The following CYP4F11 variants were observed in gnomAD, a reference collection of about 807,000 sequenced individuals.
CYP4F11 encodes the protein cytochrome P450 4F11.
CYP4F11 carries 79 observed loss-of-function variants against 62.2 expected under a neutral mutation model. That is an observed-to-expected ratio of 1.27 (90% CI 1.06 to 1.53). CYP4F11 has a LOEUF of 1.53. CYP4F11 is among the 40% of genes most tolerant of loss of function. The pLI, the probability that CYP4F11 is intolerant of heterozygous loss-of-function variation, is 0.00. For synonymous variants in CYP4F11, 290 were observed against 263.7 expected (o/e 1.10, Z -0.97); for missense variants, 777 against 680.5 (o/e 1.14, Z -1.58).
In CYP4F11 at chr19:15,919,191, A is replaced by G. The variant is rs1022816210; in HGVS notation, c.1115+2846T>C. Among the ~76,000 whole-genome samples the G allele has an allele frequency of 3.4e-5, 5 of 148,176 alleles. No homozygotes were observed. In the East Asian group the frequency reaches 7.8e-4, roughly 23 times the overall value. On this transcript the variant is annotated intron_variant, in intron 8 of 11. Coordinates refer to ENST00000402119, the MANE Select transcript of CYP4F11 (RefSeq NM_021187.4). Reference sequence around the variant, plus strand: ...ATATATTTCTATGTATATGAAATATATACATTTCATTGACTCCTAATTATT... The same window carrying G: ...ATATATTTCTATGTATATGAAATATGTACATTTCATTGACTCCTAATTATT...
At chr19:15,921,442 G>T (rs1344644635) in intron 8 of CYP4F11, among the ~76,000 whole-genome samples, 1 of 152,194 alleles carries the variant, frequency 6.6e-6, no homozygotes. Flanking sequence ...TGGGCTGGGA[G>T]TTTCCTGTCC....
chr19:15,934,374 C>T lies in CYP4F11; in HGVS notation c.35G>A (p.Gly12Glu), dbSNP rs2089760650. 2 of 1,613,176 alleles carry T rather than the reference C, an allele frequency of 1.2e-6. No homozygotes were observed. Among genetic ancestry groups the T allele is most frequent in the Non-Finnish European group, 1.7e-6 (2 of 1,179,698 alleles). The stretch of plus-strand genomic sequence containing the variant: ...CAGCCACGGGGATGCTGCCACGGGC[C>T]CGAGGCCCAGCCAGGACAGGCTCAG... ...PQLSLSWLGL[G>E]PVAASPWLLL... Residue 12 changes from glycine (G) to glutamate (E), a missense_variant, in exon 1 of 12, where the codon GGG becomes GAG. Transcript: ENST00000402119.
At position 15,923,912 on chromosome 19, in the gene CYP4F11, T is replaced by C; in HGVS notation, c.818A>G (p.Glu273Gly). The C allele has an allele frequency of 6.2e-7, 1 of 1,614,168 alleles. No homozygotes were observed. Among genetic ancestry groups the C allele is most frequent in the Non-Finnish European group, 8.5e-7 (1 of 1,180,032 alleles). Residue 273 changes from glutamate (E) to glycine (G), a missense_variant, in exon 6 of 12, where the codon GAG becomes GGG. Coordinates refer to ENST00000402119, the MANE Select transcript of CYP4F11 (RefSeq NM_021187.4). ...CTGAGTGGGGAGGGTGCAGCGCCGC[T>C]CCTGGATGACGGCATCTGTGAAGTC... ...VHDFTDAVIQ[E>G]RRCTLPTQGI...
chr19:15,923,045 C>T (rs2089640799), intron 6 of CYP4F11, among the ~76,000 whole-genome samples: 1 of 152,034 alleles, frequency 6.6e-6, no homozygotes, highest in Admixed American at 6.5e-5. Flanking sequence ...GAGTGAAACT[C>T]TGTCTCAAAA....
intron 10 of CYP4F11, 55 bp downstream of exon 10, chr19:15,914,547 T>G: frequency 6.2e-7 from 1 of 1,604,084 alleles, no homozygotes; most frequent in Non-Finnish European, 8.5e-7. Flanking sequence ...CCCTGTCACC[T>G]CCTCTAGGAA....
intron 2 of CYP4F11, among the ~76,000 whole-genome samples, chr19:15,928,693 G>A (rs561045166): frequency 1.7e-4 from 26 of 152,188 alleles, no homozygotes; most frequent in Non-Finnish European, 3.4e-4. Flanking sequence ...GTTTCTGTGG[G>A]ATGCTTCCCC....
intron 8 of CYP4F11, among the ~76,000 whole-genome samples, chr19:15,915,757 C>G (rs2089578864): frequency 6.6e-6 from 1 of 151,868 alleles, no homozygotes; most frequent in South Asian, 2.1e-4. Context: ...ATAATTTTCC[C>G]ATGGTTTCTT....
At chr19:15,923,238 C>CCTCTCTCT (rs3056063) in intron 6 of CYP4F11, among the ~76,000 whole-genome samples, 4,428 of 110,326 alleles carry the variant, frequency 0.04, 134 homozygotes, top group Non-Finnish European at 0.049. Context: ...AAGCAAACAT[C>CCTCTCTCT]CTCTCTCTCT....
intron 1 of CYP4F11, among the ~76,000 whole-genome samples, chr19:15,934,000 G>GCTGCCTCCCTC (rs2089753268): frequency 8.8e-6 from 1 of 113,446 alleles, no homozygotes; most frequent in Non-Finnish European, 1.9e-5. Context: ...GAATGAGTGA[G>GCTGCCTCCCTC]TGGGCAGAGG....
At chr19:15,927,113 A>T in intron 4 of CYP4F11, 99 bp downstream of exon 4, 1 of 1,357,828 alleles carries the variant, frequency 7.4e-7, no homozygotes, top group Non-Finnish European at 1.0e-6. Flanking sequence ...AGAGAGGAAG[A>T]GCATTGTCCC....
At position 15,924,001 on chromosome 19, in the gene CYP4F11, C is replaced by T. The variant is rs752623841; in HGVS notation, c.729G>A (p.Thr243=). ...EKRNQQILLH[T]DFLYYLTPDG... Reference sequence around the variant, plus strand: ...CAGGAGTGAGATAATACAGGAAGTCCGTGTGCAAGAGAATCTGCTGGTTTC... The same window carrying T: ...CAGGAGTGAGATAATACAGGAAGTCTGTGTGCAAGAGAATCTGCTGGTTTC... Residue 243 remains threonine (T), a synonymous_variant, in exon 6 of 12, where the codon ACG becomes ACA. Coordinates refer to ENST00000402119, the MANE Select transcript of CYP4F11 (RefSeq NM_021187.4). The T allele has an allele frequency of 3.7e-6, 6 of 1,614,026 alleles. No individual in the cohort carries two copies. Among genetic ancestry groups the T allele is most frequent in the South Asian group, 1.1e-5 (1 of 91,072 alleles).
rs1261288089 is a variant in CYP4F11, at chr19:15,912,788, T to TGTGTGTGTGTGTGTG, written c.*943_*944insCACACACACACACAC. 1 of 96,904 alleles carries TGTGTGTGTGTGTGTG rather than the reference T, an allele frequency of 1.0e-5. No individual in the cohort carries two copies. Among genetic ancestry groups the TGTGTGTGTGTGTGTG allele is most frequent in the African/African-American group, 4.9e-5 (1 of 20,256 alleles). The allele number at this position is 96,904 out of a possible 1,614,324, so 6.0% of individuals were successfully genotyped here. A position where few individuals can be genotyped will look rare whatever the true frequency, so the allele number is the denominator to read the frequency against. ...GTGTGTGTGTATATATATATATATATAATATATATATATATATACATATCT... is the reference window on the plus strand; with the variant it reads ...GTGTGTGTGTATATATATATATATATGTGTGTGTGTGTGTGAATATATATATATATATACATATCT... On this transcript the variant is annotated 3_prime_UTR_variant, in exon 12 of 12. Transcript: ENST00000402119.
In CYP4F11 at chr19:15,913,105, G is replaced by A. The variant is rs1391062979; in HGVS notation, c.*627C>T. The A allele has an allele frequency of 6.4e-6, 1 of 157,170 alleles. No homozygotes were observed. The highest frequency in any genetic ancestry group is 1.4e-5 in the Non-Finnish European group (1 of 70,724). The allele number at this position is 157,170 out of a possible 1,614,324, so 9.7% of individuals were successfully genotyped here. On this transcript the variant is annotated 3_prime_UTR_variant, in exon 12 of 12. Coordinates refer to ENST00000402119, the MANE Select transcript of CYP4F11 (RefSeq NM_021187.4). Reference sequence around the variant, plus strand: ...ATATGGTTGAGGGAACCGAGGCACAGAGAGAGGAATTAACTTGCTCAAGTC... The same window carrying A: ...ATATGGTTGAGGGAACCGAGGCACAAAGAGAGGAATTAACTTGCTCAAGTC...
chr19:15,927,541 T>C (rs376031168), intron 2 of CYP4F11, 58 bp from the exon 3 acceptor site: 68 of 1,607,076 alleles, frequency 4.2e-5, no homozygotes, highest in Non-Finnish European at 5.6e-5. Flanking sequence ...GGACTTTGGG[T>C]ATGGAGGAAT....
rs45439100 is a variant in CYP4F11, at chr19:15,913,132, C to G, written c.*600G>C. 5,987 of 157,566 alleles carry G rather than the reference C, an allele frequency of 0.038. 169 individuals are homozygous for G. Among genetic ancestry groups the G allele is most frequent in the Middle Eastern group, 0.095 (28 of 294 alleles). 9.8% of individuals were successfully genotyped at this position (157,566 alleles called of 1,614,324 possible). On this transcript the variant is annotated 3_prime_UTR_variant, in exon 12 of 12. Transcript: ENST00000402119. ...GAGAGGAATTAACTTGCTCAAGTCA[C>G]GCAGCAGAGCCAGGACTTGAGCCCA...
upstream of CYP4F11, chr19:15,934,626 A>G: frequency 3.7e-6 from 2 of 536,256 alleles, no homozygotes; most frequent in South Asian, 2.7e-5. Context: ...GGAAAGAGAG[A>G]GAGAGGCTGA....
In CYP4F11 at chr19:15,934,265, G is replaced by A. The variant is rs563324943; in HGVS notation, c.144C>T (p.Leu48=). ...GTTTCGGGGGTTGAGGAAAACACTG[G>A]AGGCGGCGGCAGTTGTCATAGAAGG... ...TYTFYDNCRR[L]QCFPQPPKQN... Residue 48 remains leucine, a synonymous_variant, in exon 1 of 12, where the codon CTC becomes CTT. Transcript: ENST00000402119. 2 of 1,613,818 alleles carry A rather than the reference G, an allele frequency of 1.2e-6. No individual in the cohort carries two copies. The highest frequency in any genetic ancestry group is 1.7e-5 in the Admixed American group (1 of 60,010).
intron 8 of CYP4F11, among the ~76,000 whole-genome samples, chr19:15,917,262 G>C (rs2089590381): frequency 1.3e-5 from 2 of 152,184 alleles, no homozygotes; most frequent in Non-Finnish European, 2.9e-5. Flanking sequence ...TGGACTTTGG[G>C]GACTCAGGGA....
At position 15,912,680 on chromosome 19, in the gene CYP4F11, A is replaced by AAAAAAAAAAATAT. The variant is rs59091525; in HGVS notation, c.*1051_*1052insATATTTTTTTTTT. 2.1e-4 allele frequency: 14 copies of AAAAAAAAAAATAT among 66,174 alleles called. No homozygotes were observed. Among genetic ancestry groups the AAAAAAAAAAATAT allele is most frequent in the African/African-American group, 7.7e-4 (12 of 15,512 alleles). The allele number at this position is 66,174 out of a possible 1,614,324, so 4.1% of individuals were successfully genotyped here. ...TCACCATCCTCAGGAAAAAAAAAAA[A>AAAAAAAAAAATAT]ATATATATATATATATATGTGTGTG... On this transcript the variant is annotated 3_prime_UTR_variant, in exon 12 of 12. Transcript: ENST00000402119.
Sources: gnomAD v4.1 joint callset for allele counts (sites outside exome capture counted in the v4.1 genomes callset) on GRCh38, gnomAD v4.1.1 for gene constraint, MANE v1.5 for transcripts, NCBI Gene and HGNC (gene_info 2026-07-23, HGNC 2026-07-21) for gene names.